Variants in CACUL1 observed in about 807,000 individuals in gnomAD.
The protein encoded by CACUL1 is CDK2-associated and cullin domain-containing protein 1.
CACUL1 carries 13 observed loss-of-function variants against 45.2 expected under a neutral mutation model. The observed-to-expected ratio is 0.29, with a 90% CI of 0.19 to 0.46. The LOEUF is 0.46. Among genes scored for constraint, CACUL1 ranks in the 20% least tolerant of loss-of-function variants. The pLI, the probability that CACUL1 is intolerant of heterozygous loss-of-function variation, is 1.00. For synonymous variants in CACUL1, 197 were observed against 174.2 expected (o/e 1.13, Z -1.03); for missense variants, 421 against 471.4 (o/e 0.89, Z 0.99).
At chr10:118,727,621 A>G (rs1201255333) in intron 3 of CACUL1, among the ~76,000 whole-genome samples, 1 of 152,220 alleles carries the variant, frequency 6.6e-6, no homozygotes, top group Non-Finnish European at 1.5e-5. Flanking sequence ...TAGACTTAGT[A>G]AACGACATTA....
Position 118,678,622 on chromosome 10 carries a change from T to G in CACUL1, c.*7506A>C, listed in dbSNP as rs984992130. On this transcript the variant is annotated 3_prime_UTR_variant, in exon 9 of 9. Coordinates refer to ENST00000369151, the MANE Select transcript of CACUL1 (RefSeq NM_153810.5). ...TACACTTATTTAGGTCCATTAAGTTTTTTTTTTATCATTTTCTCATTTTAA... is the reference window on the plus strand; with the variant it reads ...TACACTTATTTAGGTCCATTAAGTTGTTTTTTTATCATTTTCTCATTTTAA... 6.6e-6 allele frequency: 1 copy of G among 152,238 alleles called. No individual in the cohort carries two copies. Among genetic ancestry groups the G allele is most frequent in the Non-Finnish European group, 1.5e-5 (1 of 68,020 alleles). 9.4% of individuals were successfully genotyped at this position (152,238 alleles called of 1,614,324 possible).
intron 1 of CACUL1, among the ~76,000 whole-genome samples, chr10:118,738,272 T>A (rs1050814177): frequency 2.2e-4 from 33 of 152,034 alleles, no homozygotes; most frequent in Non-Finnish European, 8.8e-5. Context: ...CCGAGAAGGA[T>A]TATTCTGTGG....
At chr10:118,689,318 G>A (rs1054907443) in intron 7 of CACUL1, among the ~76,000 whole-genome samples, 16 of 152,034 alleles carry the variant, frequency 1.1e-4, no homozygotes, top group African/African-American at 3.4e-4. Flanking sequence ...ATATGAGAAC[G>A]TCCACTTTGG....
Position 118,729,330 on chromosome 10 carries a change from T to C in CACUL1, c.562A>G (p.Thr188Ala). The C allele has an allele frequency of 2.5e-6, 4 of 1,613,314 alleles. No individual in the cohort carries two copies. Among genetic ancestry groups the C allele is most frequent in the Non-Finnish European group, 3.4e-6 (4 of 1,179,806 alleles). Residue 188 changes from threonine (T) to alanine (A), a missense_variant, in exon 3 of 9, where the codon ACT becomes GCT. By Grantham distance (58) the Thr-to-Ala change is moderately conservative. Coordinates refer to ENST00000369151, the MANE Select transcript of CACUL1 (RefSeq NM_153810.5). Reference protein sequence around the residue: ...QMYSDLIKKITNHLERVSKEL... With the variant: ...QMYSDLIKKIANHLERVSKEL... ...TTTGAGACTCTCTCTAAGTGATTAG[T>C]TATCTTTTTAATCAGATCACTATAC...
chr10:118,700,493 G>A (rs1845368115), intron 5 of CACUL1, among the ~76,000 whole-genome samples: 1 of 152,052 alleles, frequency 6.6e-6, no homozygotes, highest in African/African-American at 2.4e-5. Flanking sequence ...CGAGATGGGT[G>A]GATCACGAGG....
At chr10:118,710,591 T>C (rs1845475232) in intron 3 of CACUL1, among the ~76,000 whole-genome samples, 2 of 152,180 alleles carry the variant, frequency 1.3e-5, no homozygotes. Context: ...TAACTTCTCC[T>C]AGTCATTCCT....
chr10:118,723,663 A>G (rs549029273), intron 3 of CACUL1, among the ~76,000 whole-genome samples: 2 of 152,304 alleles, frequency 1.3e-5, no homozygotes, highest in African/African-American at 4.8e-5. Context: ...AGTGCCAGAT[A>G]CTGCTTATGA....
chr10:118,714,657 T>G (rs1240291318), intron 3 of CACUL1, among the ~76,000 whole-genome samples: 1 of 152,168 alleles, frequency 6.6e-6, no homozygotes, highest in African/African-American at 2.4e-5. Context: ...GCAGGGTTAG[T>G]TCAAAATTCA....
rs375589823 is a variant in CACUL1, at chr10:118,748,707, G to GAA, written c.367+5687_367+5688dup. ...GTATAACACAAATATTCCAAAATCC[G>GAA]AAAAAAATCTGAAATCCAAAACACT... On this transcript the variant is annotated intron_variant, in intron 1 of 8. Coordinates refer to ENST00000369151, the MANE Select transcript of CACUL1 (RefSeq NM_153810.5). Among the ~76,000 whole-genome samples the GAA allele has an allele frequency of 2.7e-3, 412 of 152,162 alleles. 5 individuals carry two copies. Among genetic ancestry groups the GAA allele is most frequent in the African/African-American group, 9.3e-3 (387 of 41,536 alleles).
chr10:118,723,047 G>A (rs1845616298), intron 3 of CACUL1, among the ~76,000 whole-genome samples: 1 of 152,158 alleles, frequency 6.6e-6, no homozygotes, highest in South Asian at 2.1e-4. Flanking sequence ...GGGTAGCCCT[G>A]ATCCACAAGG....
At chr10:118,720,316 A>G (rs1845588090) in intron 3 of CACUL1, among the ~76,000 whole-genome samples, 1 of 152,224 alleles carries the variant, frequency 6.6e-6, no homozygotes, top group South Asian at 2.1e-4. Context: ...AAATATCCAA[A>G]GAAGCCAGAT....
intron 1 of CACUL1, among the ~76,000 whole-genome samples, chr10:118,745,636 G>A (rs751972648): frequency 9.9e-5 from 15 of 152,054 alleles, no homozygotes; most frequent in Non-Finnish European, 2.2e-4. Flanking sequence ...AAAAGTGCAA[G>A]ACAATATGAT....
intron 3 of CACUL1, among the ~76,000 whole-genome samples, chr10:118,717,398 G>A (rs1445854681): frequency 6.6e-6 from 1 of 152,126 alleles, no homozygotes; most frequent in Non-Finnish European, 1.5e-5. Flanking sequence ...ATCAAATTCA[G>A]GGAGTATAAA....
rs922383944 is a variant in CACUL1, at chr10:118,730,524, A to C, written c.368-114T>G. The C allele has an allele frequency of 5.2e-6, 5 of 969,956 alleles. No individual in the cohort carries two copies. The Admixed American group carries it at 9.3e-5, about 18-fold the overall frequency. The allele number at this position is 969,956 out of a possible 1,614,324, so 60.1% of individuals were successfully genotyped here. Reference sequence around the variant, plus strand: ...CACTTACTCTTCTGATTTTACACTGACACTCTATCACCTAACTATCCTATT... The same window carrying C: ...CACTTACTCTTCTGATTTTACACTGCCACTCTATCACCTAACTATCCTATT... On this transcript the variant is annotated intron_variant, in intron 1 of 8. Transcript: ENST00000369151.
intron 3 of CACUL1, among the ~76,000 whole-genome samples, chr10:118,727,076 T>C (rs1016188089): frequency 6.6e-6 from 1 of 152,130 alleles, no homozygotes; most frequent in African/African-American, 2.4e-5. Flanking sequence ...TTTTATATCA[T>C]ATATCACCCT....
intron 1 of CACUL1, among the ~76,000 whole-genome samples, chr10:118,739,985 A>G (rs926275053): frequency 1.3e-5 from 2 of 152,062 alleles, no homozygotes; most frequent in African/African-American, 4.8e-5. Context: ...TCTCTACTAA[A>G]AGTACAAAAA....
At chr10:118,714,596 C>T (rs1237695787) in intron 3 of CACUL1, among the ~76,000 whole-genome samples, 1 of 151,926 alleles carries the variant, frequency 6.6e-6, no homozygotes, top group Admixed American at 6.6e-5. Flanking sequence ...AAAGTCTAAC[C>T]GTAGTTTGTC....
rs374964342 is a variant in CACUL1, at chr10:118,754,522, G to A, written c.241C>T (p.Pro81Ser). ...KEGLPMGPQP[P>S]PEANGVIMML... ...ATGATCACCCCATTAGCCTCCGGCG[G>A]TGGCTGCGGCCCCATCGGGAGCCCC... Residue 81 changes from proline (P) to serine (S), a missense_variant, in exon 1 of 9, where the codon CCG (proline) becomes TCG (serine). Pro to Ser is a moderately conservative substitution (Grantham distance 74). Around this residue, in one of 2 missense-constraint regions of CACUL1, gnomAD observed 213 missense variants for 173.1 expected, o/e 1.23. Coordinates refer to ENST00000369151, the MANE Select transcript of CACUL1 (RefSeq NM_153810.5). 1.9e-6 allele frequency: 3 copies of A among 1,613,062 alleles called. No homozygotes were observed. In the African/African-American group the frequency reaches 4.0e-5, roughly 22 times the overall value.
chr10:118,717,284 T>C (rs1262738483), intron 3 of CACUL1, among the ~76,000 whole-genome samples: 1 of 152,238 alleles, frequency 6.6e-6, no homozygotes, highest in Non-Finnish European at 1.5e-5. Context: ...CAGGACAATT[T>C]AGCTGCAAAC....
Sources: gnomAD v4.1 joint callset for allele counts (sites outside exome capture counted in the v4.1 genomes callset) on GRCh38, gnomAD v4.1.1 for gene constraint, gnomAD v4.1.1 regional missense constraint, MANE v1.5 for transcripts, NCBI Gene and HGNC (gene_info 2026-07-23, HGNC 2026-07-21) for gene names.